Variants in FAM219A observed in about 807,000 individuals in gnomAD.
FAM219A encodes protein FAM219A.
Under a neutral mutation model 23.4 loss-of-function variants are expected in FAM219A, and 7 were observed. That is an observed-to-expected ratio of 0.30 (90% CI 0.17 to 0.56). FAM219A has a LOEUF of 0.56. Among genes scored for constraint, FAM219A ranks in the 20% least tolerant of loss-of-function variants. The pLI, the probability that FAM219A is intolerant of heterozygous loss-of-function variation, is 0.92. For synonymous variants in FAM219A, 93 were observed against 99.0 expected (o/e 0.94, Z 0.36); for missense variants, 166 against 246.9 (o/e 0.67, Z 2.20).
At chr9:34,406,966 C>G (rs1821659169) in intron 1 of FAM219A, among the ~76,000 whole-genome samples, 1 of 152,068 alleles carries the variant, frequency 6.6e-6, no homozygotes, top group African/African-American at 2.4e-5. Flanking sequence ...CCAGGCCCAG[C>G]TAATTTTTGT....
At chr9:34,418,247 C>G (rs1218303246) in intron 1 of FAM219A, among the ~76,000 whole-genome samples, 1 of 151,500 alleles carries the variant, frequency 6.6e-6, no homozygotes, top group Non-Finnish European at 1.5e-5. Context: ...AGACAGGGGG[C>G]CAAAGAATGT....
rs758121272 is a variant in FAM219A at position 34,405,938 on chromosome 9, G to A, written c.87C>T (p.Asp29=). 4.7e-5 allele frequency: 76 copies of A among 1,613,024 alleles called. No homozygotes were observed. The highest frequency in any genetic ancestry group is 6.7e-5 in the Admixed American group (4 of 59,886). Residue 29 remains aspartate (D), a synonymous_variant, in exon 2 of 6, where the codon GAC becomes GAT. Coordinates refer to ENST00000651358, the MANE Select transcript of FAM219A (RefSeq NM_001184940.2). Reference sequence around the variant, plus strand: ...CACCCTCCCGGGCGTCACAGTCTCCGTCAGAGATGGAGGCGGCGGCTGGGT... The same window carrying A: ...CACCCTCCCGGGCGTCACAGTCTCCATCAGAGATGGAGGCGGCGGCTGGGT... ...PLDPAAASIS[D]GDCDAREGES...
chr9:34,437,135 C>CG (rs1250727700), intron 1 of FAM219A, among the ~76,000 whole-genome samples: 1 of 152,148 alleles, frequency 6.6e-6, no homozygotes. Context: ...AGCCAATTTC[C>CG]GGGGCTCTAT....
At chr9:34,445,638 T>C (rs889237178) in intron 1 of FAM219A, among the ~76,000 whole-genome samples, 1 of 152,122 alleles carries the variant, frequency 6.6e-6, no homozygotes, top group East Asian at 1.9e-4. Context: ...AAAAGCCTAG[T>C]GTAGATGCCT....
chr9:34,420,098 T>C (rs1426696459), intron 1 of FAM219A, among the ~76,000 whole-genome samples: 1 of 152,200 alleles, frequency 6.6e-6, no homozygotes, highest in Non-Finnish European at 1.5e-5. Context: ...ATTGGTGAAC[T>C]TGCCACTTGT....
intron 1 of FAM219A, among the ~76,000 whole-genome samples, chr9:34,441,444 G>A (rs1439627263): frequency 6.6e-6 from 1 of 152,166 alleles, no homozygotes; most frequent in Non-Finnish European, 1.5e-5. Flanking sequence ...GAGAAGCACA[G>A]GGCTTAGTGA....
chr9:34,415,207 G>C (rs1821958428), intron 1 of FAM219A, among the ~76,000 whole-genome samples: 1 of 152,024 alleles, frequency 6.6e-6, no homozygotes, highest in East Asian at 1.9e-4. Context: ...CACTTCTGCA[G>C]AGCATTTGCA....
At chr9:34,412,783 C>T (rs1821870235) in intron 1 of FAM219A, among the ~76,000 whole-genome samples, 1 of 152,002 alleles carries the variant, frequency 6.6e-6, no homozygotes, top group Non-Finnish European at 1.5e-5. Flanking sequence ...AAGATAAAGA[C>T]AAAATTTAGA....
Position 34,458,122 on chromosome 9 carries a change from C to T in FAM219A, c.60+82G>A. ...CCCCATCCGATGGCGCCCCTCCGCA[C>T]GATCCCCCCGGCCTGATTCCCTCCC... On this transcript the variant is annotated intron_variant, in intron 1 of 5. Coordinates refer to ENST00000651358, the MANE Select transcript of FAM219A (RefSeq NM_001184940.2). The surrounding 1 kb of genome is among the most constrained non-coding windows in gnomAD (Gnocchi z 6.6). 3 of 1,350,300 alleles carry T rather than the reference C, an allele frequency of 2.2e-6. No individual in the cohort carries two copies. The highest frequency in any genetic ancestry group is 2.9e-5 in the East Asian group (1 of 34,170). 83.6% of individuals were successfully genotyped at this position (1,350,300 alleles called of 1,614,324 possible).
intron 5 of FAM219A, among the ~76,000 whole-genome samples, chr9:34,401,350 C>T (rs924734846): frequency 6.6e-6 from 1 of 152,242 alleles, no homozygotes; most frequent in Non-Finnish European, 1.5e-5. Context: ...GTCAACTTCA[C>T]ACCTCTGGTC....
intron 1 of FAM219A, among the ~76,000 whole-genome samples, chr9:34,431,077 G>A (rs1822680837): frequency 6.6e-6 from 1 of 152,164 alleles, no homozygotes; most frequent in African/African-American, 2.4e-5. Context: ...TTGGACCCAT[G>A]GCCCGCATGA....
At chr9:34,427,448 T>C (rs1822529973) in intron 1 of FAM219A, among the ~76,000 whole-genome samples, 1 of 152,232 alleles carries the variant, frequency 6.6e-6, no homozygotes, top group African/African-American at 2.4e-5. Context: ...GTTAGATCCT[T>C]CTATAATGTA....
chr9:34,437,436 C>T (rs1169754388), intron 1 of FAM219A, among the ~76,000 whole-genome samples: 3 of 152,170 alleles, frequency 2.0e-5, no homozygotes, highest in Non-Finnish European at 4.4e-5. Flanking sequence ...AAATGTGGAG[C>T]GCTAGAACTG....
intron 2 of FAM219A, among the ~76,000 whole-genome samples, chr9:34,404,078 G>A (rs536832082): frequency 4.6e-5 from 7 of 151,948 alleles, no homozygotes; most frequent in Non-Finnish European, 1.0e-4. Flanking sequence ...GTAATGGGGA[G>A]AAAAAAAGAT....
intron 1 of FAM219A, among the ~76,000 whole-genome samples, chr9:34,420,994 G>GTA (rs1822252159): frequency 2.1e-5 from 2 of 96,796 alleles, no homozygotes; most frequent in African/African-American, 8.1e-5. Context: ...GTGTGTGTAT[G>GTA]TGTGTGTGTG....
chr9:34,403,421 A>C (rs1821522480), intron 2 of FAM219A, among the ~76,000 whole-genome samples: 1 of 152,242 alleles, frequency 6.6e-6, no homozygotes, highest in Non-Finnish European at 1.5e-5. Flanking sequence ...GGAGTTTGGG[A>C]TTAACGCAGA....
chr9:34,437,951 T>C (rs1215578202), intron 1 of FAM219A, among the ~76,000 whole-genome samples: 2 of 151,750 alleles, frequency 1.3e-5, no homozygotes, highest in African/African-American at 2.4e-5. Flanking sequence ...GAACCCGGGC[T>C]GCGCGTGGCG....
intron 1 of FAM219A, among the ~76,000 whole-genome samples, chr9:34,412,142 C>A (rs2131943487): frequency 6.6e-6 from 1 of 152,134 alleles, no homozygotes; most frequent in African/African-American, 2.4e-5. Context: ...CCTCCGATAG[C>A]CATGTGCAAG....
chr9:34,416,097 G>A lies in FAM219A; in HGVS notation c.61-10133C>T, dbSNP rs1254878038. 3.3e-5 allele frequency among the ~76,000 whole-genome samples: 5 copies of A among 151,724 alleles called. No individual in the cohort carries two copies. In the East Asian group the frequency reaches 5.8e-4, roughly 18 times the overall value. ...AAGGCTGAGTGGGAGGATTGCCTGA[G>A]CCCAGGAGGTTGAGGCTGGAGTGAG... is the stretch of plus-strand genomic sequence containing the variant. On this transcript the variant is annotated intron_variant, in intron 1 of 5. Transcript: ENST00000651358.
Sources: allele counts gnomAD v4.1 joint callset (sites outside exome capture counted in the v4.1 genomes callset), GRCh38; gene constraint gnomAD v4.1.1; non-coding constraint Gnocchi (gnomAD v3.1); transcripts MANE v1.5; gene names NCBI Gene and HGNC (gene_info 2026-07-23, HGNC 2026-07-21).